The following TRNAU1AP variants were observed in gnomAD, a reference collection of about 807,000 sequenced individuals.
The protein encoded by TRNAU1AP is tRNA selenocysteine 1 associated protein 1.
TRNAU1AP carries 33 observed loss-of-function variants against 43.3 expected under a neutral mutation model. The observed-to-expected ratio is 0.76, with a 90% confidence interval of 0.58 to 1.02. The LOEUF is 1.02. Among genes scored for constraint, TRNAU1AP ranks in the 50% least tolerant of loss-of-function variants. The pLI is 0.00. For synonymous variants in TRNAU1AP, 143 were observed against 129.1 expected, an observed-to-expected ratio of 1.11 and a Z score of -0.73; for missense variants, 290 against 362.7, an observed-to-expected ratio of 0.80 and a Z score of 1.63.
At chr1:28,561,498 T>C (rs1206804717) in intron 4 of TRNAU1AP, 100 bp downstream of exon 4, 10 of 1,347,646 alleles carry the variant, frequency 7.4e-6, no homozygotes, top group Non-Finnish European at 8.5e-6. Flanking sequence ...CTTGGTTCCC[T>C]CCTGAAGGAC....
At chr1:28,575,050 A>G (rs902826241) in intron 8 of TRNAU1AP, among the ~76,000 whole-genome samples, 2 of 152,164 alleles carry the variant, frequency 1.3e-5, no homozygotes, top group African/African-American at 2.4e-5. Context: ...TTTATATTCA[A>G]GTCTCTAGTT....
At chr1:28,562,119 C>T (rs1225516784) in intron 4 of TRNAU1AP, among the ~76,000 whole-genome samples, 1 of 152,222 alleles carries the variant, frequency 6.6e-6, no homozygotes, top group African/African-American at 2.4e-5. Flanking sequence ...GTTATAGCAA[C>T]ATAAATTGAT....
intron 2 of TRNAU1AP, among the ~76,000 whole-genome samples, chr1:28,559,998 G>C (rs1443721360): frequency 6.6e-6 from 1 of 152,086 alleles, no homozygotes; most frequent in Non-Finnish European, 1.5e-5. Context: ...CAGGCATGGT[G>C]GTGGGTACCT....
rs1378190207 is a variant in TRNAU1AP, at chr1:28,558,520, A to G, written c.126-2113A>G. ...GCAATTTTCCTGCCTCAGGCTCCCG[A>G]GTAGCTGGGACTACAGGCACACACC... On this transcript the variant is annotated intron_variant, in intron 2 of 8. Transcript: ENST00000373830. 1.9e-4 allele frequency among the ~76,000 whole-genome samples: 28 copies of G among 149,382 alleles called. No individual in the cohort carries two copies. The Admixed American group carries it at 1.9e-3, about 10-fold the overall frequency.
intron 8 of TRNAU1AP, among the ~76,000 whole-genome samples, 160 bp from the exon 9 acceptor site, chr1:28,577,340 A>C (rs897329609): frequency 5.9e-5 from 9 of 152,200 alleles, no homozygotes; most frequent in African/African-American, 2.2e-4. Context: ...TTCTATTTTC[A>C]TCTTCCCCAG....
chr1:28,567,162 C>G, intron 5 of TRNAU1AP, 132 bp from the exon 6 acceptor site: 1 of 920,158 alleles, frequency 1.1e-6, no homozygotes, highest in Non-Finnish European at 1.6e-6. Context: ...TTAATGGACT[C>G]TCTCTTTCTC....
At chr1:28,576,484 A>G (rs1323409393) in intron 8 of TRNAU1AP, among the ~76,000 whole-genome samples, 1 of 134,948 alleles carries the variant, frequency 7.4e-6, no homozygotes, top group Non-Finnish European at 1.6e-5. Context: ...ACGCCCAGCT[A>G]ATTTTTCTAT....
chr1:28,553,650 A>G lies in TRNAU1AP; in HGVS notation c.38A>G (p.Tyr13Cys). ...ASLWMGDLEPYMDENFISRAF... is the reference protein window; with the variant it reads ...ASLWMGDLEPCMDENFISRAF... ...CTTGTTTTTACGCAGCTGGAACCCT[A>G]CATGGATGAGAACTTCATCTCCAGA... is the stretch of plus-strand genomic sequence containing the variant. The change falls in exon 2 of 9, where the codon TAC (tyrosine) becomes TGC (cysteine). Residue 13 changes from tyrosine to cysteine, a missense_variant. This residue lies in a region of TRNAU1AP where 59 missense variants were observed against 45.5 expected (regional missense o/e 1.30). Transcript: ENST00000373830. 2 of 1,614,028 alleles carry G rather than the reference A, an allele frequency of 1.2e-6. No homozygotes were observed. Among genetic ancestry groups the G allele is most frequent in the Non-Finnish European group, 1.7e-6 (2 of 1,179,986 alleles).
chr1:28,561,881 G>C (rs1570249548), intron 4 of TRNAU1AP, among the ~76,000 whole-genome samples: 1 of 152,264 alleles, frequency 6.6e-6, no homozygotes, highest in African/African-American at 2.4e-5. Flanking sequence ...GACCATCCTG[G>C]CTAACACGGT....
intron 8 of TRNAU1AP, among the ~76,000 whole-genome samples, chr1:28,573,044 T>C (rs1665696111): frequency 6.7e-6 from 1 of 149,220 alleles, no homozygotes; most frequent in Non-Finnish European, 1.5e-5. Context: ...TTCTTTTTTT[T>C]TTTTTTTTGA....
chr1:28,564,140 C>T (rs2124199981), intron 4 of TRNAU1AP, among the ~76,000 whole-genome samples: 1 of 152,214 alleles, frequency 6.6e-6, no homozygotes, highest in South Asian at 2.1e-4. Flanking sequence ...GTGGTGCGCA[C>T]CTGTTATCCC....
chr1:28,563,009 C>A lies in TRNAU1AP; in HGVS notation c.278+1611C>A, dbSNP rs563787236. Among the ~76,000 whole-genome samples, 799 of 151,306 alleles carry A rather than the reference C, an allele frequency of 5.3e-3. 7 individuals carry two copies. The highest frequency in any genetic ancestry group is 0.019 in the African/African-American group (769 of 41,234). On this transcript the variant is annotated intron_variant, in intron 4 of 8. Transcript: ENST00000373830. ...CGCCTGGGTCCAAGCAATTCTCCTG[C>A]CTCAGCCTCCCAAGTAGCTGGGATT...
At chr1:28,569,233 A>G (rs1271261378) in intron 6 of TRNAU1AP, among the ~76,000 whole-genome samples, 4 of 152,206 alleles carry the variant, frequency 2.6e-5, no homozygotes, top group Non-Finnish European at 1.5e-5. Context: ...ATAAATTATT[A>G]TATAAAAACA....
rs570924356 is a variant in TRNAU1AP, at chr1:28,556,405, A to G, written c.125+2668A>G. Among the ~76,000 whole-genome samples the G allele has an allele frequency of 8.6e-5, 13 of 150,780 alleles. No homozygotes were observed. The South Asian group carries it at 2.6e-3, about 30-fold the overall frequency. ...TTTGAACCCAGGAGGTAGAGGTTGC[A>G]GTGAGCCGAGATTGTGCCACTGTGC... On this transcript the variant is annotated intron_variant, in intron 2 of 8. Transcript: ENST00000373830.
Position 28,554,842 on chromosome 1 carries a change from C to CAA in TRNAU1AP, c.125+1119_125+1120dup, listed in dbSNP as rs1226365120. On this transcript the variant is annotated intron_variant, in intron 2 of 8. Transcript: ENST00000373830. ...CTGGGCGACAGCTGAGACTCTGTCT[C>CAA]AAAAAAAAAAAAAAAGAGTTATAAT... Among the ~76,000 whole-genome samples the CAA allele has an allele frequency of 4.3e-3, 399 of 93,768 alleles. 1 individual carries two copies. Among genetic ancestry groups the CAA allele is most frequent in the African/African-American group, 0.014 (359 of 26,412 alleles). The allele number at this position is 93,768 out of a possible 152,430, so 61.5% of individuals were successfully genotyped here.
intron 2 of TRNAU1AP, among the ~76,000 whole-genome samples, chr1:28,559,662 G>GAA (rs904261935): frequency 1.4e-5 from 2 of 146,574 alleles, no homozygotes; most frequent in Non-Finnish European, 3.0e-5. Flanking sequence ...CTCGGTCTCA[G>GAA]AAAAAAAAAA....
At chr1:28,570,247 CTCTTT>C (rs991923724) in intron 6 of TRNAU1AP, among the ~76,000 whole-genome samples, 1 of 152,010 alleles carries the variant, frequency 6.6e-6, no homozygotes, top group African/African-American at 2.4e-5. Context: ...CCACGTCTGT[CTCTTT>C]TCTTTTTTTT....
chr1:28,577,847 T>C lies in TRNAU1AP; in HGVS notation c.*211T>C. 1.8e-6 allele frequency: 1 copy of C among 548,008 alleles called. No individual in the cohort carries two copies. The highest frequency in any genetic ancestry group is 3.2e-6 in the Non-Finnish European group (1 of 316,268). 33.9% of individuals were successfully genotyped at this position (548,008 alleles called of 1,614,324 possible). On this transcript the variant is annotated 3_prime_UTR_variant, in exon 9 of 9. Transcript: ENST00000373830. ...AACTTTTAAACAAGGTTCAAATTGG[T>C]TTCCTTCACAGGAATCCTTTGTCCA... is the stretch of plus-strand genomic sequence containing the variant.
chr1:28,556,088 G>A (rs531376879), intron 2 of TRNAU1AP, among the ~76,000 whole-genome samples: 70 of 152,010 alleles, frequency 4.6e-4, no homozygotes, highest in Middle Eastern at 3.2e-3. Context: ...TCATGACCTC[G>A]TGATCCGCCT....
Sources: allele counts gnomAD v4.1 joint callset (sites outside exome capture counted in the v4.1 genomes callset), GRCh38; gene constraint gnomAD v4.1.1; regional missense constraint gnomAD v4.1.1; transcripts MANE v1.5; gene names NCBI Gene and HGNC (gene_info 2026-07-23, HGNC 2026-07-21).